The following PKP2 variants were observed in gnomAD, a reference collection of about 807,000 sequenced individuals.
PKP2 encodes plakophilin-2.
In PKP2, 73 loss-of-function variants were observed where a neutral mutation model predicts 83.4. That is an observed-to-expected ratio of 0.88 (90% CI 0.72 to 1.06). PKP2 has a LOEUF of 1.06. Ranked by LOEUF, PKP2 falls within the 50% of genes least tolerant of loss-of-function variation. The pLI, the probability that PKP2 is intolerant of heterozygous loss-of-function variation, is 0.00. For synonymous variants in PKP2, 409 were observed against 430.4 expected (o/e 0.95, Z 0.62); for missense variants, 966 against 1,065.4 (o/e 0.91, Z 1.30).
At chr12:32,850,997 T>TTC in intron 4 of PKP2, 24 bp from the exon 5 acceptor site, 1 of 1,591,356 alleles carries the variant, frequency 6.3e-7, no homozygotes, top group Non-Finnish European at 8.6e-7. Context: ...AGATGCATAT[T>TTC]TCTAATATTA....
intron 4 of PKP2, among the ~76,000 whole-genome samples, chr12:32,867,812 T>C (rs941931007): frequency 3.9e-5 from 6 of 152,166 alleles, no homozygotes; most frequent in African/African-American, 1.4e-4. Context: ...AGAGAGAATA[T>C]ATAGGCTGGA....
intron 5 of PKP2, among the ~76,000 whole-genome samples, chr12:32,846,887 G>A (rs1306042329): frequency 6.6e-6 from 1 of 152,096 alleles, no homozygotes; most frequent in African/African-American, 2.4e-5. Context: ...TAGGTGGGGT[G>A]ACAGCAAAAC....
chr12:32,842,188 T>C (rs1956599453), intron 5 of PKP2, among the ~76,000 whole-genome samples: 1 of 152,196 alleles, frequency 6.6e-6, no homozygotes, highest in African/African-American at 2.4e-5. Context: ...GACTGTACAC[T>C]GATTGCTTGC....
intron 4 of PKP2, among the ~76,000 whole-genome samples, chr12:32,868,599 C>T (rs1361689474): frequency 1.3e-5 from 2 of 151,850 alleles, no homozygotes; most frequent in African/African-American, 4.8e-5. Flanking sequence ...CTCAGTTCAC[C>T]GCAACCTCCG....
intron 4 of PKP2, among the ~76,000 whole-genome samples, chr12:32,852,034 A>G (rs1956701001): frequency 6.6e-6 from 1 of 152,234 alleles, no homozygotes; most frequent in Non-Finnish European, 1.5e-5. Context: ...TATGATCTAA[A>G]GAAATCAGAC....
At chr12:32,853,405 A>C (rs1440970109) in intron 4 of PKP2, among the ~76,000 whole-genome samples, 1 of 151,764 alleles carries the variant, frequency 6.6e-6, no homozygotes, top group African/African-American at 2.4e-5. Flanking sequence ...AAAAAAAAAA[A>C]AAAAAAACCA....
intron 5 of PKP2, chr12:32,843,352 G>C: frequency 7.4e-7 from 1 of 1,360,214 alleles, no homozygotes; most frequent in East Asian, 4.6e-5. Flanking sequence ...ACTCAGGGCA[G>C]GCTCCTTTAT....
chr12:32,819,328 A>C (rs1229151607), intron 9 of PKP2, among the ~76,000 whole-genome samples: 2 of 150,800 alleles, frequency 1.3e-5, no homozygotes, highest in African/African-American at 4.9e-5. Context: ...AAATAAAATA[A>C]AATAAAATAA....
At chr12:32,816,533 G>A (rs971686172) in intron 9 of PKP2, among the ~76,000 whole-genome samples, 5 of 152,124 alleles carry the variant, frequency 3.3e-5, no homozygotes, top group African/African-American at 1.2e-4. Flanking sequence ...ATTGTGAATA[G>A]CATGGTGATG....
intron 1 of PKP2, among the ~76,000 whole-genome samples, chr12:32,879,598 G>A (rs1225629456): frequency 6.6e-6 from 1 of 151,992 alleles, no homozygotes; most frequent in Non-Finnish European, 1.5e-5. Context: ...AGAGGCAGAG[G>A]TGGGTGGATC....
chr12:32,825,425 C>T (rs1173758541), intron 6 of PKP2, among the ~76,000 whole-genome samples: 2 of 152,004 alleles, frequency 1.3e-5, no homozygotes, highest in East Asian at 1.9e-4. Flanking sequence ...CCCGCCTTGG[C>T]CTCCCAAAGT....
intron 4 of PKP2, among the ~76,000 whole-genome samples, chr12:32,852,605 T>A (rs1956709954): frequency 6.6e-6 from 1 of 152,180 alleles, no homozygotes; most frequent in Admixed American, 6.6e-5. Context: ...AATTAATAGA[T>A]TGCAAGAACC....
At chr12:32,849,038 G>C (rs1324448522) in intron 5 of PKP2, among the ~76,000 whole-genome samples, 1 of 147,524 alleles carries the variant, frequency 6.8e-6, no homozygotes, top group African/African-American at 2.5e-5. Flanking sequence ...CTTCTATGAT[G>C]TATATTCTTT....
chr12:32,896,430 G>T, intron 1 of PKP2, 79 bp downstream of exon 1: 1 of 1,121,466 alleles, frequency 8.9e-7, no homozygotes, highest in Non-Finnish European at 1.2e-6. Flanking sequence ...CTCCCAGCAC[G>T]CGGGGTGAGG....
chr12:32,846,346 G>T (rs1956644673), intron 5 of PKP2, among the ~76,000 whole-genome samples: 1 of 152,124 alleles, frequency 6.6e-6, no homozygotes, highest in Non-Finnish European at 1.5e-5. Context: ...TGGGGGGAGT[G>T]GGGGTGTCTT....
chr12:32,870,129 ACATTCCAGACACATT>A (rs1372949602), intron 3 of PKP2, among the ~76,000 whole-genome samples: 5 of 152,244 alleles, frequency 3.3e-5, no homozygotes, highest in Admixed American at 1.3e-4. Flanking sequence ...ATTCCAGGTA[ACATTCCAGACACATT>A]CATTCCAGAC....
At chr12:32,834,122 G>A (rs1956524799) in intron 6 of PKP2, among the ~76,000 whole-genome samples, 1 of 152,156 alleles carries the variant, frequency 6.6e-6, no homozygotes, top group African/African-American at 2.4e-5. Flanking sequence ...CCAAGGCAAA[G>A]TTAGTGAAGC....
chr12:32,855,773 C>CA (rs11431590), intron 4 of PKP2, among the ~76,000 whole-genome samples: 12,468 of 46,060 alleles, frequency 0.27, 1,839 homozygotes, highest in East Asian at 0.68. Context: ...GACTCCATCT[C>CA]AAAAAAAAAA....
chr12:32,849,017 A>C (rs1237410889), intron 5 of PKP2, among the ~76,000 whole-genome samples: 1 of 151,874 alleles, frequency 6.6e-6, no homozygotes, highest in African/African-American at 2.4e-5. Flanking sequence ...AAAAAAAAAA[A>C]AAAAAAACCT....
Sources: allele counts gnomAD v4.1 joint callset (sites outside exome capture counted in the v4.1 genomes callset), GRCh38; gene constraint gnomAD v4.1.1; transcripts MANE v1.5; gene names NCBI Gene and HGNC (gene_info 2026-07-23, HGNC 2026-07-21).